DMD: variants seen among roughly 807,000 people sequenced by gnomAD.
The protein encoded by DMD is mutant dystrophin.
DMD carries 63 observed loss-of-function variants against 330.1 expected under a neutral mutation model. The ratio of observed to expected loss-of-function variants is 0.19; its 90% CI spans 0.16 to 0.24. The LOEUF (loss-of-function observed/expected upper bound fraction) is 0.24, where lower values mean the gene tolerates loss of function less well. Ranked by LOEUF, DMD falls within the 10% of genes least tolerant of loss-of-function variation. DMD has a pLI of 1.00. For missense variants in DMD, 3,344 were observed against 2,684.1 expected (o/e 1.25, Z -5.43); for synonymous variants, 1,223 against 959.8 (o/e 1.27, Z -5.07).
chrX:31,143,559 G>C (rs1014518034), intron 76 of DMD, among the ~76,000 whole-genome samples: 8 of 111,863 alleles, frequency 7.2e-5, no homozygotes, highest in African/African-American at 2.6e-4. Context: ...TTCTTTCAGA[G>C]GACAAATTTA....
At chrX:31,424,462 C>G (rs2063591730) in intron 60 of DMD, among the ~76,000 whole-genome samples, 1 of 111,719 alleles carries the variant, frequency 9.0e-6, no homozygotes, top group Non-Finnish European at 1.9e-5. Flanking sequence ...GCTACATAGA[C>G]TAGTCTTTGG....
At chrX:32,809,861 C>G (rs1350651189) in intron 6 of DMD, among the ~76,000 whole-genome samples, 6 of 95,585 alleles carry the variant, frequency 6.3e-5, no homozygotes, top group Non-Finnish European at 1.0e-4. Context: ...GTGGGCAGAT[C>G]CTTTGAGCCC....
At chrX:31,853,182 C>T (rs2093560307) in intron 48 of DMD, among the ~76,000 whole-genome samples, 1 of 112,759 alleles carries the variant, frequency 8.9e-6, no homozygotes. Context: ...CTGCACCTGG[C>T]CAATTTGTAA....
chrX:32,189,834 C>G (rs1284022882), intron 44 of DMD, among the ~76,000 whole-genome samples: 11 of 110,747 alleles, frequency 9.9e-5, no homozygotes, highest in Non-Finnish European at 1.7e-4. Flanking sequence ...GCAGTAGAAC[C>G]CTTTCATCTT....
intron 43 of DMD, among the ~76,000 whole-genome samples, chrX:32,225,013 A>ACTC (rs926684271): frequency 5.4e-5 from 6 of 111,432 alleles, no homozygotes; most frequent in African/African-American, 2.0e-4. Context: ...ATTATAGGGG[A>ACTC]CTCTTCTACT....
chrX:31,562,208 T>G (rs2075235639), intron 55 of DMD, among the ~76,000 whole-genome samples: 1 of 112,141 alleles, frequency 8.9e-6, no homozygotes, highest in African/African-American at 3.2e-5. Flanking sequence ...ATTCAATAAT[T>G]TCCACACTGA....
intron 2 of DMD, among the ~76,000 whole-genome samples, chrX:32,961,455 G>T (rs1422662057): frequency 9.0e-6 from 1 of 110,609 alleles, no homozygotes; most frequent in Middle Eastern, 4.3e-3. Flanking sequence ...TAATAAGGCA[G>T]AGCCTTTAGA....
chrX:31,698,868 C>T (rs2083613423), intron 52 of DMD, among the ~76,000 whole-genome samples: 1 of 111,679 alleles, frequency 9.0e-6, no homozygotes, highest in East Asian at 2.8e-4. Context: ...CTCTAAATCC[C>T]AAAAAGCTAG....
intron 74 of DMD, among the ~76,000 whole-genome samples, chrX:31,159,073 A>T (rs959856364): frequency 4.5e-5 from 5 of 112,047 alleles, no homozygotes; most frequent in Admixed American, 1.9e-4. Flanking sequence ...ATCAAGTAAC[A>T]GAAAAACTCC....
intron 44 of DMD, among the ~76,000 whole-genome samples, chrX:31,989,684 C>G (rs1481806707): frequency 9.0e-6 from 1 of 111,153 alleles, no homozygotes; most frequent in African/African-American, 3.3e-5. Flanking sequence ...TTTTGCAACT[C>G]AGAAATGAAC....
intron 63 of DMD, among the ~76,000 whole-genome samples, chrX:31,258,166 A>C (rs1008668052): frequency 8.9e-6 from 1 of 112,290 alleles, no homozygotes; most frequent in African/African-American, 3.2e-5. Flanking sequence ...AAATAAAATC[A>C]ATGAGAACAG....
intron 1 of DMD, among the ~76,000 whole-genome samples, chrX:33,180,337 T>G (rs2049924843): frequency 8.9e-6 from 1 of 111,833 alleles, no homozygotes; most frequent in African/African-American, 3.3e-5. Context: ...CTTTCTTATA[T>G]TCTTGGGCTA....
chrX:32,777,198 A>G (rs1393099753), intron 7 of DMD, among the ~76,000 whole-genome samples: 1 of 91,064 alleles, frequency 1.1e-5, no homozygotes, highest in African/African-American at 4.2e-5. Flanking sequence ...CAGCATTATC[A>G]ATTTATCCAG....
At chrX:32,819,973 T>A (rs1298213592) in intron 5 of DMD, among the ~76,000 whole-genome samples, 3 of 110,825 alleles carry the variant, frequency 2.7e-5, no homozygotes, top group Non-Finnish European at 5.7e-5. Context: ...ATAAGAGAGA[T>A]GAGATAAGTA....
At chrX:32,498,867 C>G (rs1426424220) in intron 19 of DMD, among the ~76,000 whole-genome samples, 1 of 111,628 alleles carries the variant, frequency 9.0e-6, no homozygotes, top group African/African-American at 3.2e-5. Flanking sequence ...TTCCCTTCTA[C>G]ATTGTAACCA....
At chrX:31,514,056 C>T (rs373627194) in intron 55 of DMD, among the ~76,000 whole-genome samples, 2 of 111,568 alleles carry the variant, frequency 1.8e-5, no homozygotes, top group South Asian at 3.7e-4. Context: ...TAAATTTTAG[C>T]AAATCTAGCA....
At chrX:33,065,049 A>T (rs760097394) in intron 1 of DMD, among the ~76,000 whole-genome samples, 1 of 112,004 alleles carries the variant, frequency 8.9e-6, no homozygotes, top group South Asian at 3.7e-4. Context: ...TTAACATGGA[A>T]AAAGTGCTAA....
intron 41 of DMD, among the ~76,000 whole-genome samples, chrX:32,330,286 C>A (rs1421564655): frequency 8.9e-6 from 1 of 112,140 alleles, no homozygotes; most frequent in Non-Finnish European, 1.9e-5. Context: ...TATCAGATAA[C>A]TTACCAACTT....
intron 6 of DMD, among the ~76,000 whole-genome samples, chrX:32,809,943 A>AG (rs1164362059): frequency 4.6e-4 from 39 of 83,971 alleles, no homozygotes; most frequent in African/African-American, 1.8e-3. Context: ...AAAAAAAAAA[A>AG]AAAGAAAGAA....
Sources: gnomAD v4.1 joint callset for allele counts (sites outside exome capture counted in the v4.1 genomes callset) on GRCh38, gnomAD v4.1.1 for gene constraint, MANE v1.5 for transcripts, NCBI Gene and HGNC (gene_info 2026-07-23, HGNC 2026-07-21) for gene names.